The following NFATC1 variants were observed in gnomAD, a reference collection of about 807,000 sequenced individuals.
NFATC1 encodes nuclear factor of activated T cells 1.
NFATC1 carries 22 observed loss-of-function variants against 76.0 expected under a neutral mutation model. The observed-to-expected ratio is 0.29, with a 90% CI of 0.21 to 0.41. NFATC1 has a LOEUF of 0.41. Among genes scored for constraint, NFATC1 ranks in the 10% least tolerant of loss-of-function variants. The pLI, the probability that NFATC1 is intolerant of heterozygous loss-of-function variation, is 1.00. For missense variants in NFATC1, 1,357 were observed against 1,337.7 expected, an observed-to-expected ratio of 1.01 and a Z score of -0.23; for synonymous variants, 704 against 613.1, an observed-to-expected ratio of 1.15 and a Z score of -2.19.
intron 9 of NFATC1, among the ~76,000 whole-genome samples, chr18:79,504,121 C>T (rs12963519): frequency 0.029 from 4,361 of 152,162 alleles, 89 homozygotes; most frequent in Middle Eastern, 0.072. Flanking sequence ...CTCTTATCAT[C>T]GGTGTTGTTC....
intron 8 of NFATC1, among the ~76,000 whole-genome samples, chr18:79,480,157 C>T (rs1427990408): frequency 1.3e-5 from 2 of 152,194 alleles, no homozygotes; most frequent in Non-Finnish European, 2.9e-5. Context: ...GGGTGGGGCA[C>T]GTGCGGTGAT....
chr18:79,487,212 G>A (rs1217123876), intron 9 of NFATC1, among the ~76,000 whole-genome samples: 1 of 152,224 alleles, frequency 6.6e-6, no homozygotes, highest in East Asian at 1.9e-4. Context: ...CCTGTCCCGG[G>A]GTCTAAGGCT....
At chr18:79,520,622 A>G (rs1280295259) in intron 9 of NFATC1, among the ~76,000 whole-genome samples, 6 of 62,638 alleles carry the variant, frequency 9.6e-5, no homozygotes, top group East Asian at 5.5e-4. Flanking sequence ...TGGGGGGGGC[A>G]TCCACTGATG....
At chr18:79,484,928 C>G (rs991652028) in intron 8 of NFATC1, among the ~76,000 whole-genome samples, 1 of 152,268 alleles carries the variant, frequency 6.6e-6, no homozygotes, top group Non-Finnish European at 1.5e-5. Flanking sequence ...AAAACGCCGT[C>G]TCCATCGTTC....
Position 79,396,275 on chromosome 18 carries a change from G to A in NFATC1, c.51G>A (p.Ala17=), listed in dbSNP as rs761194713. Residue 17 remains alanine (A), a synonymous_variant, in exon 1 of 10, where the codon GCG becomes GCA. Coordinates refer to ENST00000427363, the MANE Select transcript of NFATC1 (RefSeq NM_001278669.2). The stretch of plus-strand genomic sequence containing the variant: ...CTTCCAAGTTTCCACTTGGCCCTGC[G>A]GCTGCGGTCTTCGGGAGAGGAGAAA... ...PVPSKFPLGP[A]AAVFGRGETL... 1.7e-5 allele frequency: 25 copies of A among 1,476,808 alleles called. No individual in the cohort carries two copies. In the African/African-American group the frequency reaches 2.5e-4, roughly 15 times the overall value. The allele number at this position is 1,476,808 out of a possible 1,614,324, so 91.5% of individuals were successfully genotyped here. A position where few individuals can be genotyped will look rare whatever the true frequency, so the allele number is the denominator to read the frequency against.
At chr18:79,482,150 G>A (rs1450613993) in intron 8 of NFATC1, among the ~76,000 whole-genome samples, 2 of 147,058 alleles carry the variant, frequency 1.4e-5, no homozygotes, top group Non-Finnish European at 3.0e-5. Context: ...TTCCTGGGGT[G>A]TAATTCCAGC....
At chr18:79,474,571 C>T (rs1196446075) in intron 8 of NFATC1, among the ~76,000 whole-genome samples, 8 of 148,326 alleles carry the variant, frequency 5.4e-5, no homozygotes, top group South Asian at 2.1e-4. Context: ...CTCACGCTGT[C>T]GACATAAACC....
chr18:79,500,386 T>C (rs576055395), intron 9 of NFATC1, among the ~76,000 whole-genome samples: 12 of 152,254 alleles, frequency 7.9e-5, no homozygotes, highest in African/African-American at 2.9e-4. Context: ...GGGATGCAGG[T>C]AAGGCAGTGC....
chr18:79,500,087 A>G (rs1329909067), intron 9 of NFATC1, among the ~76,000 whole-genome samples: 3 of 152,202 alleles, frequency 2.0e-5, no homozygotes, highest in Non-Finnish European at 2.9e-5. Context: ...TCAAAAGGAT[A>G]TAAAACACTT....
At chr18:79,397,507 G>A (rs1329432640) in intron 1 of NFATC1, among the ~76,000 whole-genome samples, 2 of 152,230 alleles carry the variant, frequency 1.3e-5, no homozygotes, top group East Asian at 3.9e-4. Context: ...GGTCCGTGTG[G>A]TCGGTGCCCT....
chr18:79,432,014 T>G (rs1183845371), intron 2 of NFATC1, among the ~76,000 whole-genome samples: 5 of 152,250 alleles, frequency 3.3e-5, no homozygotes, highest in Non-Finnish European at 5.9e-5. Context: ...GTTTTGTTTT[T>G]AAGTCACTTT....
intron 6 of NFATC1, chr18:79,452,258 G>T (rs560112328): frequency 6.4e-6 from 1 of 155,990 alleles, no homozygotes; most frequent in South Asian, 1.9e-4. Context: ...AGGCAGGGAT[G>T]GGGTGGGTGC....
chr18:79,518,414 A>G lies in NFATC1; in HGVS notation c.2783-9114A>G, dbSNP rs375238700. On this transcript the variant is annotated intron_variant, in intron 9 of 9. Coordinates refer to ENST00000427363, the MANE Select transcript of NFATC1 (RefSeq NM_001278669.2). ...AGTGTGGCAGTGTAAAGGGCGATGG[A>G]GCCCCCGGGCCCAGCATGTTTCGCG... 6.0e-4 allele frequency among the ~76,000 whole-genome samples: 92 copies of G among 152,318 alleles called. 2 individuals are homozygous for G. The South Asian group carries it at 0.019, about 31-fold the overall frequency.
At chr18:79,416,351 C>T (rs777665787) in intron 2 of NFATC1, among the ~76,000 whole-genome samples, 1 of 152,218 alleles carries the variant, frequency 6.6e-6, no homozygotes, top group Non-Finnish European at 1.5e-5. Flanking sequence ...CGTTTGAATG[C>T]CCTTTGCTCT....
In NFATC1 at chr18:79,402,432, A is replaced by G. The variant is rs75413079; in HGVS notation, c.127+6081A>G. Reference sequence around the variant, plus strand: ...CCCACCGGGCTCATTCCCCCAAAACACTCCTTGAGCAGAATGAGTGAAGCC... The same window carrying G: ...CCCACCGGGCTCATTCCCCCAAAACGCTCCTTGAGCAGAATGAGTGAAGCC... On this transcript the variant is annotated intron_variant, in intron 1 of 9. Coordinates refer to ENST00000427363, the MANE Select transcript of NFATC1 (RefSeq NM_001278669.2). The G allele has an allele frequency of 1.4e-3, 1,394 of 977,028 alleles. 4 individuals are homozygous for G. In the East Asian group the frequency reaches 0.028, roughly 20 times the overall value. The allele number at this position is 977,028 out of a possible 1,614,324, so 60.5% of individuals were successfully genotyped here.
intron 1 of NFATC1, among the ~76,000 whole-genome samples, chr18:79,408,792 CATT>C (rs1272735970): frequency 6.6e-6 from 1 of 152,106 alleles, no homozygotes; most frequent in Non-Finnish European, 1.5e-5. Context: ...ATCATCTGTC[CATT>C]ATTCCTCCAT....
chr18:79,522,234 G>C (rs113024964), intron 9 of NFATC1, among the ~76,000 whole-genome samples: 1,815 of 117,512 alleles, frequency 0.015, 65 homozygotes, highest in African/African-American at 0.06. Flanking sequence ...CTGGGTGTAG[G>C]GGGGGTGGCA....
At chr18:79,487,014 C>A (rs2089523554) in intron 9 of NFATC1, 77 bp downstream of exon 9, 10 of 1,458,736 alleles carry the variant, frequency 6.9e-6, no homozygotes, top group African/African-American at 1.4e-5. Context: ...CGTGTGCGTG[C>A]TGCGTGTGTG....
intron 8 of NFATC1, among the ~76,000 whole-genome samples, chr18:79,475,414 ACGT>A (rs1219939172): frequency 2.8e-5 from 4 of 143,106 alleles, no homozygotes; most frequent in Admixed American, 2.8e-4. Flanking sequence ...CTCACCGTCG[ACGT>A]TGTAAACCCG....
Sources: allele counts gnomAD v4.1 joint callset (sites outside exome capture counted in the v4.1 genomes callset), GRCh38; gene constraint gnomAD v4.1.1; transcripts MANE v1.5; gene names NCBI Gene and HGNC (gene_info 2026-07-23, HGNC 2026-07-21).